Variants in ABCC6 observed in about 807,000 individuals in gnomAD.
ABCC6 encodes ATP binding cassette subfamily C member 6, also known as ATP-binding cassette sub-family C member 6.
ABCC6 carries 126 observed loss-of-function variants against 169.5 expected under a neutral mutation model. The observed-to-expected ratio is 0.74, with a 90% CI of 0.64 to 0.86. The LOEUF is 0.86. ABCC6 is among the 40% of genes least tolerant of loss of function. The pLI, the probability that ABCC6 is intolerant of heterozygous loss-of-function variation, is 0.00. For missense variants in ABCC6, 1,733 were observed against 1,927.2 expected, an observed-to-expected ratio of 0.90 and a Z score of 1.89; for synonymous variants, 752 against 814.7, an observed-to-expected ratio of 0.92 and a Z score of 1.31.
At chr16:16,175,816 G>A in intron 20 of ABCC6, 95 bp downstream of exon 20, 1 of 1,389,882 alleles carries the variant, frequency 7.2e-7, no homozygotes, top group Admixed American at 1.8e-5. Context: ...TAATGGTTTT[G>A]GTTGCCCGCC....
At chr16:16,150,879 T>A (rs2046368175) in intron 29 of ABCC6, 107 bp from the exon 30 acceptor site, 2 of 1,535,398 alleles carry the variant, frequency 1.3e-6, no homozygotes, top group South Asian at 2.4e-5. Context: ...GTGAGGTGCC[T>A]GTGTTCAGGC....
intron 15 of ABCC6, 110 bp downstream of exon 15, chr16:16,184,849 C>G: frequency 8.1e-7 from 1 of 1,227,932 alleles, no homozygotes; most frequent in Non-Finnish European, 1.2e-6. Context: ...AACCCACCCT[C>G]CAGTCCCAGG....
intron 10 of ABCC6, among the ~76,000 whole-genome samples, chr16:16,194,110 C>T (rs945323545): frequency 2.0e-5 from 3 of 152,200 alleles, no homozygotes; most frequent in Non-Finnish European, 2.9e-5. Context: ...AATCAGGGGA[C>T]CTGGTTCAAA....
rs929924618 is a variant in ABCC6, at chr16:16,161,543, C to T, written c.3528G>A (p.Glu1176=). ...VADRWLAANV[E]LLGNGLVFAA... is the part of the protein sequence containing the mutation. ...CAAACACCAGGCCATTCCCCAGGAG[C>T]TCCACATTGGCCGCAAGCCACCTGC... The change falls in exon 25 of 31, where the codon GAG becomes GAA. Residue 1176 remains glutamate, a synonymous_variant. Transcript: ENST00000205557. 6.2e-7 allele frequency: 1 copy of T among 1,613,960 alleles called. No individual in the cohort carries two copies. The highest frequency in any genetic ancestry group is 1.1e-5 in the South Asian group (1 of 91,086).
rs2046335673 is a variant in ABCC6 at position 16,149,626 on chromosome 16, G to A, written c.*507C>T. On this transcript the variant is annotated 3_prime_UTR_variant, in exon 31 of 31. Coordinates refer to ENST00000205557, the MANE Select transcript of ABCC6 (RefSeq NM_001171.6). ...TCAATGTCAACACCCTGGCTGTGAT[G>A]CTTTATCCTAGAGTTTTGCAAGATG... 3.7e-6 allele frequency: 1 copy of A among 271,042 alleles called. No individual in the cohort carries two copies. The allele number at this position is 271,042 out of a possible 1,614,324, so 16.8% of individuals were successfully genotyped here.
chr16:16,178,871 G>T lies in ABCC6; in HGVS notation c.2342C>A (p.Ala781Glu), dbSNP rs72653791. ...AAVYLLDDPL[A>E]ALDAHVGQHV... ...CTGGCCAACGTGGGCATCCAGGGCC[G>T]CCAGGGGGTCATCCAGCAGGTACAC... Residue 781 changes from alanine (A) to glutamate (E), a missense_variant, in exon 18 of 31, where the codon GCG becomes GAG. Around this residue, in one of 5 missense-constraint regions of ABCC6, gnomAD observed 1,601 missense variants for 1,635.5 expected, o/e 0.98. Transcript: ENST00000205557. 1.2e-6 allele frequency: 2 copies of T among 1,613,868 alleles called. No homozygotes were observed.
At chr16:16,158,311 G>A (rs2239329) in intron 26 of ABCC6, among the ~76,000 whole-genome samples, 33,573 of 151,944 alleles carry the variant, frequency 0.22, 4,478 homozygotes, top group South Asian at 0.46. Flanking sequence ...TAAACTCAAC[G>A]CTGTTATGTT....
At chr16:16,177,327 C>T in intron 19 of ABCC6, 125 bp downstream of exon 19, 1 of 1,108,264 alleles carries the variant, frequency 9.0e-7, no homozygotes, top group Non-Finnish European at 1.4e-6. Flanking sequence ...TGTCTGCTTC[C>T]AGGCCTAGGC....
rs535237884 is a variant in ABCC6, at chr16:16,165,420, A to C, written c.3306+203T>G. Reference sequence around the variant, plus strand: ...AGAGCAAGATTCTGTCTCTCTAAAAAAAAGAACTTTGATGTGAACATTTAG... The same window carrying C: ...AGAGCAAGATTCTGTCTCTCTAAAACAAAGAACTTTGATGTGAACATTTAG... On this transcript the variant is annotated intron_variant, in intron 23 of 30. Transcript: ENST00000205557. Among the ~76,000 whole-genome samples the C allele has an allele frequency of 5.3e-5, 8 of 152,274 alleles. No individual in the cohort carries two copies. In the South Asian group the frequency reaches 1.7e-3, roughly 32 times the overall value.
intron 5 of ABCC6, among the ~76,000 whole-genome samples, chr16:16,212,922 A>G (rs1271379735): frequency 3.0e-4 from 45 of 152,096 alleles, no homozygotes; most frequent in Admixed American, 2.9e-3. Context: ...TGCTCCAGGA[A>G]GATTACAACA....
At chr16:16,215,673 C>A (rs2048845723) in intron 4 of ABCC6, among the ~76,000 whole-genome samples, 1 of 151,632 alleles carries the variant, frequency 6.6e-6, no homozygotes, top group South Asian at 2.1e-4. Flanking sequence ...GGAGTTTTAC[C>A]ATGTAGGCCA....
rs112987975 is a variant in ABCC6 at position 16,181,068 on chromosome 16, C to T, written c.2247+1344G>A. 1.0e-3 allele frequency among the ~76,000 whole-genome samples: 156 copies of T among 152,158 alleles called. 1 individual carries two copies. The highest frequency in any genetic ancestry group is 3.6e-3 in the African/African-American group (148 of 41,510). ...CCTGTAATCCCAGCACTTTGGGAGG[C>T]GGAGCTGGGTGGATCACTTGAGGTC... On this transcript the variant is annotated intron_variant, in intron 17 of 30. Coordinates refer to ENST00000205557, the MANE Select transcript of ABCC6 (RefSeq NM_001171.6).
chr16:16,153,667 G>A (rs1432902141), intron 29 of ABCC6, among the ~76,000 whole-genome samples: 1 of 152,114 alleles, frequency 6.6e-6, no homozygotes, highest in Admixed American at 6.5e-5. Flanking sequence ...GCTCACACCT[G>A]TAATCCCAGC....
At chr16:16,163,857 A>G (rs2046802584) in intron 23 of ABCC6, among the ~76,000 whole-genome samples, 1 of 152,154 alleles carries the variant, frequency 6.6e-6, no homozygotes. Context: ...AGTGGTGAGA[A>G]CATCCAAGGC....
chr16:16,208,347 T>G (rs1040130113), intron 7 of ABCC6, among the ~76,000 whole-genome samples: 4 of 140,758 alleles, frequency 2.8e-5, no homozygotes, highest in Non-Finnish European at 6.3e-5. Flanking sequence ...GAGGTTTTTT[T>G]GTTTTTGTTT....
At chr16:16,180,257 G>A (rs957579162) in intron 17 of ABCC6, among the ~76,000 whole-genome samples, 14 of 152,288 alleles carry the variant, frequency 9.2e-5, no homozygotes, top group East Asian at 5.8e-4. Context: ...TCCATGGCCC[G>A]GGGGTTGGGG....
intron 6 of ABCC6, among the ~76,000 whole-genome samples, chr16:16,210,026 T>G (rs1181079148): frequency 6.6e-6 from 1 of 151,700 alleles, no homozygotes; most frequent in African/African-American, 2.4e-5. Context: ...CCACTGTGCC[T>G]GGCCTCAGGT....
In ABCC6 at chr16:16,212,899, G is replaced by A. The variant is rs1223025490; in HGVS notation, c.601-653C>T. Among the ~76,000 whole-genome samples the A allele has an allele frequency of 2.0e-5, 3 of 152,120 alleles. No individual in the cohort carries two copies. The East Asian group carries it at 5.8e-4, about 30-fold the overall frequency. On this transcript the variant is annotated intron_variant, in intron 5 of 30. Transcript: ENST00000205557. ...TGTTGTGAAGACAGACCTGTCGTGC[G>A]ATTTTTGTCAGGTGCTCCAGGAAGA...
At chr16:16,172,110 G>A (rs76404061) in intron 21 of ABCC6, among the ~76,000 whole-genome samples, 3 of 143,352 alleles carry the variant, frequency 2.1e-5, no homozygotes, top group Non-Finnish European at 3.0e-5. Context: ...TAAATGAGTG[G>A]GTGGGATGGA....
Sources: gnomAD v4.1 joint callset for allele counts (sites outside exome capture counted in the v4.1 genomes callset) on GRCh38, gnomAD v4.1.1 for gene constraint, gnomAD v4.1.1 regional missense constraint, MANE v1.5 for transcripts, NCBI Gene and HGNC (gene_info 2026-07-23, HGNC 2026-07-21) for gene names.